The following CHST10 variants were observed in gnomAD, a reference collection of about 807,000 sequenced individuals.
The protein encoded by CHST10 is carbohydrate sulfotransferase 10, also known as HNK-1 sulfotransferase.
A neutral mutation model predicts 34.7 loss-of-function variants in CHST10; 24 were observed. That is an observed-to-expected ratio of 0.69 (90% confidence interval 0.50 to 0.97). The LOEUF is 0.97. Among genes scored for constraint, CHST10 ranks in the 50% least tolerant of loss-of-function variants. The pLI, the probability that CHST10 is intolerant of heterozygous loss-of-function variation, is 0.00. For missense variants in CHST10, 402 were observed against 452.1 expected, an observed-to-expected ratio of 0.89 and a Z score of 1.00; for synonymous variants, 161 against 169.3, an observed-to-expected ratio of 0.95 and a Z score of 0.38.
chr2:100,396,751 C>T (rs1218495238), intron 5 of CHST10, among the ~76,000 whole-genome samples: 3 of 152,168 alleles, frequency 2.0e-5, no homozygotes, highest in East Asian at 1.9e-4. Flanking sequence ...AAGGACCACC[C>T]GCTTCTGTAT....
Position 100,397,499 on chromosome 2 carries a change from C to T in CHST10, c.427+409G>A, listed in dbSNP as rs145150842. ...CAGGCTCTACAGTGTGAGCCCTTCT[C>T]ACTGCAGAGAGGGTGACCGTGAGGC... On this transcript the variant is annotated intron_variant, in intron 5 of 6. Transcript: ENST00000264249. 1.8e-4 allele frequency among the ~76,000 whole-genome samples: 27 copies of T among 152,328 alleles called. No individual in the cohort carries two copies. In the East Asian group the frequency reaches 5.2e-3, roughly 29 times the overall value.
At chr2:100,397,468 C>T (rs1250439064) in intron 5 of CHST10, among the ~76,000 whole-genome samples, 1 of 152,184 alleles carries the variant, frequency 6.6e-6, no homozygotes, top group Non-Finnish European at 1.5e-5. Context: ...GCCAGGGCTC[C>T]CCTCCCAGGC....
intron 2 of CHST10, among the ~76,000 whole-genome samples, chr2:100,409,763 T>C (rs979341742): frequency 6.6e-6 from 1 of 152,214 alleles, no homozygotes; most frequent in African/African-American, 2.4e-5. Flanking sequence ...TCAACAATCA[T>C]GCAACTGACC....
At position 100,415,491 on chromosome 2, in the gene CHST10, C is replaced by G. The variant is rs575836677; in HGVS notation, c.-103-380G>C. 8.8e-4 allele frequency among the ~76,000 whole-genome samples: 134 copies of G among 152,256 alleles called. 1 individual carries two copies. The highest frequency in any genetic ancestry group is 3.2e-3 in the African/African-American group (131 of 41,534). On this transcript the variant is annotated intron_variant, in intron 1 of 6. Transcript: ENST00000264249. The stretch of plus-strand genomic sequence containing the variant: ...CTCTGGATTTTCGTACTCCTTACAC[C>G]TTTAGCACCTGGAAAATTTTAGCCA...
chr2:100,410,027 G>A (rs1675760659), intron 2 of CHST10, among the ~76,000 whole-genome samples: 1 of 152,100 alleles, frequency 6.6e-6, no homozygotes, highest in Non-Finnish European at 1.5e-5. Flanking sequence ...AAAGCTTCAG[G>A]GGCAAAACCC....
intron 6 of CHST10, 68 bp downstream of exon 6, chr2:100,395,441 G>C: frequency 2.1e-6 from 3 of 1,397,344 alleles, no homozygotes; most frequent in Non-Finnish European, 2.0e-6. Context: ...CTCAGCCTGG[G>C]GTTTTCCCCA....
At chr2:100,402,770 C>T (rs1675402470) in intron 3 of CHST10, 115 bp from the exon 4 acceptor site, 1 of 865,150 alleles carries the variant, frequency 1.2e-6, no homozygotes, top group Admixed American at 2.4e-5. Flanking sequence ...TGCCTTTTGA[C>T]AAAGCCATAA....
At chr2:100,402,756 C>A in intron 3 of CHST10, 101 bp from the exon 4 acceptor site, 1 of 1,004,946 alleles carries the variant, frequency 1.0e-6, no homozygotes, top group African/African-American at 1.6e-5. Context: ...CAAAGATGCC[C>A]AAATGCCTTT....
rs902062961 is a variant in CHST10 at position 100,417,379 on chromosome 2, T to A, written c.-109A>T. 2.5e-5 allele frequency: 8 copies of A among 316,710 alleles called. No homozygotes were observed. The highest frequency in any genetic ancestry group is 3.8e-5 in the Non-Finnish European group (6 of 159,936). The allele number at this position is 316,710 out of a possible 1,614,324, so 19.6% of individuals were successfully genotyped here. A position where few individuals can be genotyped will look rare whatever the true frequency, so the allele number is the denominator to read the frequency against. On this transcript the variant is annotated 5_prime_UTR_variant, in exon 1 of 7. Coordinates refer to ENST00000264249, the MANE Select transcript of CHST10 (RefSeq NM_004854.5). ...CTGCGCGTCCCCGAGCTCACCCTAC[T>A]GGAGCGGCGCTCGTCCGGGTCCTTA...
chr2:100,398,207 G>C, intron 4 of CHST10, 65 bp from the exon 5 acceptor site: 2 of 1,159,424 alleles, frequency 1.7e-6, no homozygotes, highest in Non-Finnish European at 2.5e-6. Flanking sequence ...GGGCCAAGCA[G>C]AGCCGCTCCT....
chr2:100,403,589 C>T (rs910252159), intron 3 of CHST10, among the ~76,000 whole-genome samples: 1 of 152,234 alleles, frequency 6.6e-6, no homozygotes, highest in African/African-American at 2.4e-5. Context: ...CCGGGAAAGG[C>T]AGGTAGGTGA....
Position 100,398,006 on chromosome 2 carries a change from AG to A in CHST10, c.328del (p.Leu110TrpfsTer29). The A allele has an allele frequency of 2.5e-6, 4 of 1,614,220 alleles. No homozygotes were observed. Among genetic ancestry groups the A allele is most frequent in the Non-Finnish European group, 3.4e-6 (4 of 1,180,034 alleles). On this transcript the variant is annotated frameshift_variant, in exon 5 of 7. Coordinates refer to ENST00000264249, the MANE Select transcript of CHST10 (RefSeq NM_004854.5). LOFTEE classifies it high-confidence loss of function. ...CTTGTCACAGACAAATATTCGGTCC[AG>A]GACAAACTTGGAGACAGGAGTGTGC... ...LSHTPVSKFV[L>X]DRIFVCDKHK...
intron 1 of CHST10, chr2:100,417,143 T>C: frequency 9.6e-7 from 1 of 1,042,270 alleles, no homozygotes; most frequent in South Asian, 1.3e-5. Flanking sequence ...TATCAATAAT[T>C]CCGCGGGTCA....
In CHST10 at chr2:100,415,126, TAA is replaced by T. The variant is rs745740361; in HGVS notation, c.-103-17_-103-16del. ...TCCTCTTGTCACTGGATAGGAAAATTAAAAAAAAAAAAGCATTATTAAAAGTT... is the reference window on the plus strand; with the variant it reads ...TCCTCTTGTCACTGGATAGGAAAATTAAAAAAAAAAGCATTATTAAAAGTT... On this transcript the variant is annotated splice_polypyrimidine_tract_variant and intron_variant, in intron 1 of 6. Coordinates refer to ENST00000264249, the MANE Select transcript of CHST10 (RefSeq NM_004854.5). 5.3e-4 allele frequency: 528 copies of T among 1,000,950 alleles called. No individual in the cohort carries two copies. The highest frequency in any genetic ancestry group is 7.6e-4 in the Admixed American group (24 of 31,590). 62.0% of individuals were successfully genotyped at this position (1,000,950 alleles called of 1,614,324 possible).
intron 4 of CHST10, among the ~76,000 whole-genome samples, chr2:100,402,345 C>T (rs528454629): frequency 1.3e-5 from 2 of 152,274 alleles, no homozygotes; most frequent in South Asian, 4.1e-4. Context: ...GACAGAGCAG[C>T]CCTGATGCAC....
intron 2 of CHST10, among the ~76,000 whole-genome samples, chr2:100,409,840 T>G (rs964538207): frequency 2.8e-4 from 42 of 152,236 alleles, no homozygotes; most frequent in Non-Finnish European, 1.8e-4. Context: ...TTAACTTGAC[T>G]TCTGCAAACT....
At chr2:100,407,364 C>T (rs1022014506) in intron 2 of CHST10, among the ~76,000 whole-genome samples, 8 of 152,222 alleles carry the variant, frequency 5.3e-5, no homozygotes, top group African/African-American at 1.7e-4. Context: ...AGAAGCCACA[C>T]TCTCCTGCAG....
At chr2:100,398,337 C>T (rs148207534) in intron 4 of CHST10, among the ~76,000 whole-genome samples, 195 bp from the exon 5 acceptor site, 1 of 152,178 alleles carries the variant, frequency 6.6e-6, no homozygotes, top group Non-Finnish European at 1.5e-5. Flanking sequence ...CTCCACCAGC[C>T]CGATCGGCAG....
chr2:100,414,821 G>C (rs1000680890), intron 2 of CHST10, among the ~76,000 whole-genome samples: 3 of 152,094 alleles, frequency 2.0e-5, no homozygotes, highest in Non-Finnish European at 4.4e-5. Context: ...CACCTGTATG[G>C]GGTTCACTCT....
Sources: gnomAD v4.1 joint callset for allele counts (sites outside exome capture counted in the v4.1 genomes callset) on GRCh38, gnomAD v4.1.1 for gene constraint, MANE v1.5 for transcripts, NCBI Gene and HGNC (gene_info 2026-07-23, HGNC 2026-07-21) for gene names.